RIF1: variants seen among roughly 807,000 people sequenced by gnomAD.
RIF1 encodes replication timing regulatory factor 1.
RIF1 carries 45 observed loss-of-function variants against 247.1 expected under a neutral mutation model. The ratio of observed to expected loss-of-function variants is 0.18; its 90% confidence interval spans 0.14 to 0.23. The LOEUF (loss-of-function observed/expected upper bound fraction) is 0.23, where lower values mean the gene tolerates loss of function less well. Among genes scored for constraint, RIF1 ranks in the 10% least tolerant of loss-of-function variants. The pLI is 1.00. For missense variants in RIF1, 2,967 were observed against 2,862.5 expected, an observed-to-expected ratio of 1.04 and a Z score of -0.83; for synonymous variants, 1,087 against 978.8, an observed-to-expected ratio of 1.11 and a Z score of -2.06.
chr2:151,456,723 A>G, intron 23 of RIF1, 103 bp downstream of exon 23: 1 of 652,774 alleles, frequency 1.5e-6, no homozygotes, highest in Non-Finnish European at 2.5e-6. Context: ...TAAAGGGGTT[A>G]TTCCTTCTTT....
rs1459960588 is a variant in RIF1 at position 151,455,052 on chromosome 2, C to T, written c.2502C>T (p.Ile834=). 5 of 1,613,808 alleles carry T rather than the reference C, an allele frequency of 3.1e-6. No homozygotes were observed. The highest frequency in any genetic ancestry group is 2.5e-6 in the Non-Finnish European group (3 of 1,179,746). ...SDTLFTIGNS[I]TGIISSVLGH... ...CCCTCTTCACTATTGGCAACTCAAT[C>T]ACCGGCATTATTTCCAGTGTACTTG... The change falls in exon 22 of 36, where the codon ATC becomes ATT. Residue 834 remains isoleucine, a synonymous_variant. Transcript: ENST00000444746.
Position 151,441,176 on chromosome 2 carries a change from G to A in RIF1, c.1648-729G>A, listed in dbSNP as rs760139277. 3.3e-5 allele frequency among the ~76,000 whole-genome samples: 5 copies of A among 152,034 alleles called. No homozygotes were observed. In the East Asian group the frequency reaches 5.8e-4, roughly 18 times the overall value. On this transcript the variant is annotated intron_variant, in intron 15 of 35. Transcript: ENST00000444746. ...GTTGAGGCTGCAGTGAGCCAAGATC[G>A]TGCCACTGCAATCCAGCCTGGACAA...
intron 9 of RIF1, chr2:151,491,608 G>T (rs527256438): frequency 4.5e-5 from 56 of 1,248,894 alleles, no homozygotes; most frequent in Middle Eastern, 1.9e-4. Flanking sequence ...GAACTTCAGA[G>T]CCCAAATGAA....
intron 9 of RIF1, chr2:151,493,188 A>C: frequency 1.7e-6 from 1 of 576,408 alleles, no homozygotes; most frequent in East Asian, 2.9e-5. Flanking sequence ...CAGTTGAATA[A>C]GTGCAAATTT....
chr2:151,431,327 A>G (rs1384035568), intron 9 of RIF1, among the ~76,000 whole-genome samples: 1 of 152,194 alleles, frequency 6.6e-6, no homozygotes, highest in Non-Finnish European at 1.5e-5. Context: ...ATACACATCC[A>G]CTTAAATTTT....
At chr2:151,489,025 T>A (rs1411873866) in intron 9 of RIF1, among the ~76,000 whole-genome samples, 1 of 152,218 alleles carries the variant, frequency 6.6e-6, no homozygotes, top group Non-Finnish European at 1.5e-5. Flanking sequence ...CCTTGCAGCT[T>A]TTTCAAATTT....
chr2:151,437,268 G>A lies in RIF1; in HGVS notation c.1400G>A (p.Ser467Asn). ...LEPLEHPLIS[S>N]PSFFSKHANT... ...CCATTGGAACATCCGTTAATCAGCAGCCCTTCCTTTTTTTCCAAACATGCA... is the reference window on the plus strand; with the variant it reads ...CCATTGGAACATCCGTTAATCAGCAACCCTTCCTTTTTTTCCAAACATGCA... The change falls in exon 13 of 36, where the codon AGC becomes AAC. Residue 467 changes from serine (S) to asparagine (N), a missense_variant. Ser to Asn is a conservative substitution (Grantham distance 46, BLOSUM62 1). Around this residue, in one of 7 missense-constraint regions of RIF1, gnomAD observed 369 missense variants for 322.0 expected, o/e 1.15. Coordinates refer to ENST00000444746, the MANE Select transcript of RIF1 (RefSeq NM_018151.5). 6.2e-7 allele frequency: 1 copy of A among 1,613,502 alleles called. No homozygotes were observed. Among genetic ancestry groups the A allele is most frequent in the Non-Finnish European group, 8.5e-7 (1 of 1,179,516 alleles).
At chr2:151,523,235 A>C in the RIF1 span, among the ~76,000 whole-genome samples, 1 of 152,204 alleles carries the variant, frequency 6.6e-6, no homozygotes, top group African/African-American at 2.4e-5. Flanking sequence ...CAATTCCATT[A>C]ATTTATAATA....
chr2:151,509,867 C>G (rs2072660885), downstream of RIF1, among the ~76,000 whole-genome samples: 1 of 152,168 alleles, frequency 6.6e-6, no homozygotes, highest in Non-Finnish European at 1.5e-5. Flanking sequence ...CTCGGTCTCC[C>G]AAAGTCCTGG....
intron 8 of RIF1, among the ~76,000 whole-genome samples, chr2:151,426,452 G>A (rs752114554): frequency 1.3e-5 from 2 of 151,854 alleles, no homozygotes; most frequent in African/African-American, 4.8e-5. Flanking sequence ...GGCATTACAC[G>A]TGTGAGCCAC....
At chr2:151,467,933 A>G (rs1697208113) in intron 30 of RIF1, 67 bp from the exon 31 acceptor site, 1 of 1,483,272 alleles carries the variant, frequency 6.7e-7, no homozygotes, top group Non-Finnish European at 9.1e-7. Context: ...CCTCATAATG[A>G]AAATTTATGG....
chr2:151,509,898 GCGC>G (rs1306388914), downstream of RIF1, among the ~76,000 whole-genome samples: 1 of 152,166 alleles, frequency 6.6e-6, no homozygotes, highest in Non-Finnish European at 1.5e-5. Flanking sequence ...GCGAGCCACT[GCGC>G]CCGACCAAGA....
At chr2:151,466,512 T>C (rs1696912446) in intron 30 of RIF1, among the ~76,000 whole-genome samples, 1 of 152,184 alleles carries the variant, frequency 6.6e-6, no homozygotes, top group South Asian at 2.1e-4. Context: ...TTATGCTGTT[T>C]TACGTTTTAC....
At chr2:151,431,779 C>CTGAATGAATGAATGAATGAATGAATGAA (rs10681364) in intron 9 of RIF1, among the ~76,000 whole-genome samples, 1 of 149,544 alleles carries the variant, frequency 6.7e-6, no homozygotes, top group African/African-American at 2.5e-5. Context: ...ACTTCCGTCT[C>CTGAATGAATGAATGAATGAATGAATGAA]TGAATGAATG....
the RIF1 span, among the ~76,000 whole-genome samples, chr2:151,529,005 C>T: frequency 4.6e-5 from 7 of 152,228 alleles, no homozygotes; most frequent in Admixed American, 4.6e-4. Flanking sequence ...TGGGATGAAG[C>T]TTCCTTTGCT....
rs1262231259 is a variant in RIF1 at position 151,492,516 on chromosome 2, A to T, written c.*416-2713A>T. The T allele has an allele frequency of 3.3e-6, 5 of 1,526,810 alleles. No homozygotes were observed. The South Asian group carries it at 4.5e-5, about 14-fold the overall frequency. The allele number at this position is 1,526,810 out of a possible 1,614,324, so 94.6% of individuals were successfully genotyped here. ...GAACCTGATGCAGGAGAGACCGTGA[A>T]TGAGTGGTGCTGTCCTAAATCTGAA... On this transcript the variant is annotated intron_variant and NMD_transcript_variant, in intron 9 of 13. Transcript: ENST00000454583.
downstream of RIF1, among the ~76,000 whole-genome samples, chr2:151,509,158 C>CAACA (rs375580202): frequency 3.6e-3 from 552 of 152,228 alleles, 3 homozygotes; most frequent in African/African-American, 0.012. Flanking sequence ...TTGCCAGAGA[C>CAACA]AACAAACAAG....
At chr2:151,444,021 T>TA (rs1692809811) in intron 18 of RIF1, among the ~76,000 whole-genome samples, 2 of 152,356 alleles carry the variant, frequency 1.3e-5, no homozygotes, top group African/African-American at 4.8e-5. Context: ...TAACAGCGGT[T>TA]ATCTTGACTA....
chr2:151,459,816 C>A (rs1273143943), intron 25 of RIF1, among the ~76,000 whole-genome samples, 184 bp from the exon 26 acceptor site: 1 of 152,110 alleles, frequency 6.6e-6, no homozygotes, highest in South Asian at 2.1e-4. Context: ...AAAGAGACAC[C>A]AAAGCCATTT....
Sources: allele counts gnomAD v4.1 joint callset (sites outside exome capture counted in the v4.1 genomes callset), GRCh38; gene constraint gnomAD v4.1.1; regional missense constraint gnomAD v4.1.1; transcripts MANE v1.5; gene names NCBI Gene and HGNC (gene_info 2026-07-23, HGNC 2026-07-21).